TRPM3: variants seen among roughly 807,000 people sequenced by gnomAD.
TRPM3 encodes transient receptor potential cation channel subfamily M member 3, also known as long transient receptor potential channel 3.
In TRPM3, 77 loss-of-function variants were observed where a neutral mutation model predicts 181.2. That is an observed-to-expected ratio of 0.42 (90% CI 0.35 to 0.51). The LOEUF (loss-of-function observed/expected upper bound fraction) is 0.51, where lower values mean the gene tolerates loss of function less well. Ranked by LOEUF, TRPM3 falls within the 20% of genes least tolerant of loss-of-function variation. The probability of loss-of-function intolerance (pLI) is 0.01; values close to 1 mark genes in which losing one functional copy is unlikely to be tolerated. For synonymous variants in TRPM3, 745 were observed against 796.4 expected, an observed-to-expected ratio of 0.94 and a Z score of 1.09; for missense variants, 1,759 against 2,196.7, an observed-to-expected ratio of 0.80 and a Z score of 3.98.
At chr9:70,865,324 T>C (rs12003687) in intron 1 of TRPM3, 13,196 of 152,092 alleles carry the variant, frequency 0.087, 833 homozygotes, top group African/African-American at 0.18. Flanking sequence ...CCTGCATCCC[T>C]TCATAGTTTT....
chr9:70,586,440 C>T (rs2057148143), intron 22 of TRPM3, among the ~76,000 whole-genome samples: 1 of 152,174 alleles, frequency 6.6e-6, no homozygotes, highest in Non-Finnish European at 1.5e-5. Flanking sequence ...TCCATTAAGC[C>T]TCAGTTTGTA....
In TRPM3 at chr9:70,846,504, T is replaced by C; in HGVS notation, c.550A>G (p.Ile184Val). The C allele has an allele frequency of 6.2e-7, 1 of 1,614,116 alleles. No homozygotes were observed. The highest frequency in any genetic ancestry group is 1.3e-5 in the African/African-American group (1 of 75,028). The change falls in exon 4 of 26, where the codon ATC becomes GTC. Residue 184 changes from isoleucine (I) to valine (V), a missense_variant. Physicochemically the swap from Ile to Val is conservative, Grantham distance 29. This residue lies in a region of TRPM3 where 737 missense variants were observed against 957.4 expected (regional missense o/e 0.77). Coordinates refer to ENST00000677713, the MANE Select transcript of TRPM3 (RefSeq NM_001366145.2). ...EWQLELPKLL[I>V]SVHGGLQNFE... ...TTCTGCAGGCCCCCATGGACAGAGA[T>C]GAGAAGCTTGGGAAGCTCCAACTGC... is the stretch of plus-strand genomic sequence containing the variant.
At chr9:70,988,941 G>A (rs1363389009) in intron 1 of TRPM3, among the ~76,000 whole-genome samples, 1 of 152,170 alleles carries the variant, frequency 6.6e-6, no homozygotes, top group African/African-American at 2.4e-5. Context: ...TAATGTGAAA[G>A]GGTTTAGAGG....
In TRPM3 at chr9:71,363,632, C is replaced by T. The variant is rs75494105; in HGVS notation, c.183+83021G>A. Among the ~76,000 whole-genome samples, 10 of 152,292 alleles carry T rather than the reference C, an allele frequency of 6.6e-5. No homozygotes were observed. In the East Asian group the frequency reaches 1.9e-3, roughly 29 times the overall value. ...TAAGCCCAGAAAACGTAAAAATGTG[C>T]TTTGTAAAATCTCATTTTCTAAGCT... On this transcript the variant is annotated intron_variant, in intron 1 of 24. Coordinates refer to the TRPM3 transcript ENST00000357533.
intron 22 of TRPM3, among the ~76,000 whole-genome samples, chr9:70,578,188 C>T (rs1040802316): frequency 3.3e-5 from 5 of 151,154 alleles, no homozygotes; most frequent in African/African-American, 7.3e-5. Context: ...TTCCCCTTTG[C>T]GCTTTATCAC....
At chr9:70,794,072 A>G (rs1396412875) in intron 6 of TRPM3, among the ~76,000 whole-genome samples, 1 of 152,056 alleles carries the variant, frequency 6.6e-6, no homozygotes, top group African/African-American at 2.4e-5. Context: ...GGTCCTTCAT[A>G]TGAGAATTTG....
chr9:70,868,931 C>T (rs1564647482), intron 1 of TRPM3: 5 of 942,048 alleles, frequency 5.3e-6, no homozygotes, highest in Admixed American at 6.2e-5. Flanking sequence ...CTCTAGGTCC[C>T]CAGATCCAAT....
intron 1 of TRPM3, among the ~76,000 whole-genome samples, chr9:71,394,263 A>T (rs1171123862): frequency 6.6e-6 from 1 of 152,208 alleles, no homozygotes; most frequent in Non-Finnish European, 1.5e-5. Context: ...TTAACGTGCA[A>T]GTAAAATACT....
At chr9:70,566,741 A>C (rs2050692844) in intron 22 of TRPM3, among the ~76,000 whole-genome samples, 2 of 152,106 alleles carry the variant, frequency 1.3e-5, no homozygotes, top group South Asian at 4.2e-4. Context: ...AGGCAGCTGA[A>C]TGTTGGTCCT....
chr9:70,584,665 A>T (rs2056730618), intron 22 of TRPM3, among the ~76,000 whole-genome samples: 1 of 152,194 alleles, frequency 6.6e-6, no homozygotes, highest in Non-Finnish European at 1.5e-5. Context: ...GGCCTTCAGG[A>T]CCTTTAGTCA....
At chr9:70,701,850 T>C (rs2072675074) in intron 8 of TRPM3, among the ~76,000 whole-genome samples, 1 of 151,906 alleles carries the variant, frequency 6.6e-6, no homozygotes, top group Admixed American at 6.6e-5. Flanking sequence ...CTAAGCATTG[T>C]ACATGTGTGA....
At chr9:71,437,140 C>A (rs2094054028) in intron 1 of TRPM3, among the ~76,000 whole-genome samples, 1 of 152,118 alleles carries the variant, frequency 6.6e-6, no homozygotes, top group South Asian at 2.1e-4. Context: ...TAAAAACTGT[C>A]TCAAACATTT....
At chr9:70,654,688 T>TTG (rs955866337) in intron 9 of TRPM3, among the ~76,000 whole-genome samples, 1 of 149,174 alleles carries the variant, frequency 6.7e-6, no homozygotes, top group African/African-American at 2.5e-5. Flanking sequence ...ACTCTGTAGT[T>TTG]TTTTTTTTTT....
At chr9:71,163,846 A>G (rs1395690637) in intron 1 of TRPM3, among the ~76,000 whole-genome samples, 1 of 152,104 alleles carries the variant, frequency 6.6e-6, no homozygotes, top group Non-Finnish European at 1.5e-5. Flanking sequence ...CCAAAGAAAG[A>G]GATTTTTAGT....
At chr9:70,931,766 G>C (rs987935017) in intron 1 of TRPM3, among the ~76,000 whole-genome samples, 2 of 152,086 alleles carry the variant, frequency 1.3e-5, no homozygotes, top group Non-Finnish European at 2.9e-5. Flanking sequence ...CAATCTTGAA[G>C]TTTTACTTTT....
intron 1 of TRPM3, among the ~76,000 whole-genome samples, chr9:71,077,855 C>T (rs1158047087): frequency 6.6e-6 from 1 of 150,440 alleles, no homozygotes; most frequent in Non-Finnish European, 1.5e-5. Flanking sequence ...TTCCTTTATA[C>T]TTTCAATATG....
chr9:71,281,924 G>A (rs1047111608), intron 1 of TRPM3, among the ~76,000 whole-genome samples: 4 of 152,084 alleles, frequency 2.6e-5, no homozygotes, highest in African/African-American at 9.7e-5. Context: ...AGCCAGGCGT[G>A]GTGGCACATG....
At chr9:70,542,246 G>T (rs2043577880) in intron 25 of TRPM3, among the ~76,000 whole-genome samples, 1 of 152,156 alleles carries the variant, frequency 6.6e-6, no homozygotes, top group East Asian at 1.9e-4. Flanking sequence ...GAATTTGTGG[G>T]ATAAAAATGG....
At chr9:70,951,324 A>C (rs962242223) in intron 1 of TRPM3, among the ~76,000 whole-genome samples, 3 of 152,096 alleles carry the variant, frequency 2.0e-5, no homozygotes, top group African/African-American at 7.2e-5. Context: ...GTAAATCAGG[A>C]ATACTGTACA....
Sources: gnomAD v4.1 joint callset for allele counts (sites outside exome capture counted in the v4.1 genomes callset) on GRCh38, gnomAD v4.1.1 for gene constraint, gnomAD v4.1.1 regional missense constraint, MANE v1.5 for transcripts, NCBI Gene and HGNC (gene_info 2026-07-23, HGNC 2026-07-21) for gene names.